Variants in HS6ST3 observed in about 807,000 individuals in gnomAD.
The protein encoded by HS6ST3 is heparan-sulfate 6-O-sulfotransferase 3.
HS6ST3 carries 12 observed loss-of-function variants against 36.7 expected under a neutral mutation model. The observed-to-expected ratio is 0.33, with a 90% CI of 0.21 to 0.53. HS6ST3 has a LOEUF of 0.53. Ranked by LOEUF, HS6ST3 falls within the 20% of genes least tolerant of loss-of-function variation. HS6ST3 has a pLI of 0.95. For missense variants in HS6ST3, 584 were observed against 640.9 expected (o/e 0.91, Z 0.96); for synonymous variants, 240 against 257.5 (o/e 0.93, Z 0.65).
At chr13:96,615,496 G>A (rs1486636185) in intron 1 of HS6ST3, among the ~76,000 whole-genome samples, 1 of 152,102 alleles carries the variant, frequency 6.6e-6, no homozygotes, top group African/African-American at 2.4e-5. Context: ...ATCAATCTTG[G>A]CCCATTCATC....
chr13:96,805,296 G>A (rs933714022), intron 1 of HS6ST3, among the ~76,000 whole-genome samples: 1 of 152,080 alleles, frequency 6.6e-6, no homozygotes, highest in Non-Finnish European at 1.5e-5. Flanking sequence ...AGATCTGGTT[G>A]TTTGAAAGTA....
intron 1 of HS6ST3, among the ~76,000 whole-genome samples, chr13:96,371,889 C>G (rs549268746): frequency 6.6e-6 from 1 of 152,050 alleles, no homozygotes; most frequent in African/African-American, 2.4e-5. Context: ...TTCACCTGTT[C>G]GTGGACGCTT....
chr13:96,724,611 G>A (rs1007093958), intron 1 of HS6ST3, among the ~76,000 whole-genome samples: 1 of 152,118 alleles, frequency 6.6e-6, no homozygotes, highest in Non-Finnish European at 1.5e-5. Flanking sequence ...TTATAGAAAT[G>A]AAATTATAAA....
chr13:96,386,812 G>A (rs2055370929), intron 1 of HS6ST3, among the ~76,000 whole-genome samples: 1 of 152,192 alleles, frequency 6.6e-6, no homozygotes, highest in South Asian at 2.1e-4. Flanking sequence ...GTTGCAGTGA[G>A]CTGAGATTGC....
intron 1 of HS6ST3, among the ~76,000 whole-genome samples, chr13:96,769,056 C>A (rs887168597): frequency 2.6e-5 from 4 of 152,080 alleles, no homozygotes; most frequent in Non-Finnish European, 5.9e-5. Context: ...GAATGGCCCA[C>A]ATTGAAATCC....
At chr13:96,711,799 A>G (rs1369750278) in intron 1 of HS6ST3, among the ~76,000 whole-genome samples, 1 of 151,664 alleles carries the variant, frequency 6.6e-6, no homozygotes, top group Non-Finnish European at 1.5e-5. Flanking sequence ...TTTGTGTCAC[A>G]CTCTCCCTGT....
rs183819787 is a variant in HS6ST3, at chr13:96,185,749, C to T, written c.707+94180C>T. On this transcript the variant is annotated intron_variant, in intron 1 of 1. Coordinates refer to ENST00000376705, the MANE Select transcript of HS6ST3 (RefSeq NM_153456.4). ...TTCAATTCCAAAATTTTATATTTTACTTGAATTTAGAGAGAGAGAAAATAA... is the reference window on the plus strand; with the variant it reads ...TTCAATTCCAAAATTTTATATTTTATTTGAATTTAGAGAGAGAGAAAATAA... Among the ~76,000 whole-genome samples, 396 of 152,174 alleles carry T rather than the reference C, an allele frequency of 2.6e-3. 3 individuals carry two copies. Among genetic ancestry groups the T allele is most frequent in the African/African-American group, 8.5e-3 (352 of 41,498 alleles).
At chr13:96,212,638 G>A (rs974709757) in intron 1 of HS6ST3, among the ~76,000 whole-genome samples, 1 of 152,218 alleles carries the variant, frequency 6.6e-6, no homozygotes, top group South Asian at 2.1e-4. Context: ...CTAGGAGTTT[G>A]AGGTTTGAAG....
intron 1 of HS6ST3, among the ~76,000 whole-genome samples, chr13:96,641,811 A>G (rs1427272649): frequency 2.0e-5 from 3 of 151,754 alleles, no homozygotes; most frequent in Non-Finnish European, 4.4e-5. Context: ...CTTCCTTTGT[A>G]CTGTTATTGT....
At chr13:96,308,416 C>G (rs1474440900) in intron 1 of HS6ST3, among the ~76,000 whole-genome samples, 1 of 151,938 alleles carries the variant, frequency 6.6e-6, no homozygotes, top group Non-Finnish European at 1.5e-5. Flanking sequence ...TATAGGCAAC[C>G]CAATATCCAA....
Position 96,410,849 on chromosome 13 carries a change from G to A in HS6ST3, c.707+319280G>A, listed in dbSNP as rs140293198. Among the ~76,000 whole-genome samples, 79 of 152,298 alleles carry A rather than the reference G, an allele frequency of 5.2e-4. 1 individual carries two copies. The East Asian group carries it at 5.4e-3, about 10-fold the overall frequency. ...AGTCATGGTGTCTAACTCTAGTTAC[G>A]TTATGGAGGGTATATTTTCCAAATT... On this transcript the variant is annotated intron_variant, in intron 1 of 1. Coordinates refer to ENST00000376705, the MANE Select transcript of HS6ST3 (RefSeq NM_153456.4).
At chr13:96,698,301 T>G (rs528230949) in intron 1 of HS6ST3, among the ~76,000 whole-genome samples, 1 of 152,178 alleles carries the variant, frequency 6.6e-6, no homozygotes, top group East Asian at 1.9e-4. Flanking sequence ...TGGTGTTTGT[T>G]TTTTTGTCCT....
chr13:96,526,103 C>T (rs760837953), intron 1 of HS6ST3, among the ~76,000 whole-genome samples: 9 of 152,014 alleles, frequency 5.9e-5, no homozygotes, highest in Non-Finnish European at 1.0e-4. Flanking sequence ...AGATGGAGTG[C>T]CTTAGTTAAA....
chr13:96,463,337 T>C (rs1259223733), intron 1 of HS6ST3, among the ~76,000 whole-genome samples: 4 of 152,246 alleles, frequency 2.6e-5, no homozygotes, highest in African/African-American at 9.6e-5. Context: ...AAACTTAATT[T>C]ATACAAACAG....
intron 1 of HS6ST3, among the ~76,000 whole-genome samples, chr13:96,209,571 T>C (rs1305779709): frequency 6.6e-6 from 1 of 152,196 alleles, no homozygotes; most frequent in East Asian, 1.9e-4. Context: ...GGAGAATTTC[T>C]AGTCAAAAAA....
chr13:96,297,333 CCTTT>C (rs2054860187), intron 1 of HS6ST3, among the ~76,000 whole-genome samples: 1 of 152,088 alleles, frequency 6.6e-6, no homozygotes. Context: ...TTTCTTTCCT[CCTTT>C]CTATTTCTAC....
At chr13:96,582,640 T>C (rs1273499451) in intron 1 of HS6ST3, among the ~76,000 whole-genome samples, 2 of 152,304 alleles carry the variant, frequency 1.3e-5, no homozygotes, top group East Asian at 3.9e-4. Context: ...AATTTCAGAA[T>C]TGATTAGGTA....
chr13:96,403,602 A>T (rs1480157659), intron 1 of HS6ST3, among the ~76,000 whole-genome samples: 9 of 152,298 alleles, frequency 5.9e-5, no homozygotes, highest in African/African-American at 2.2e-4. Context: ...AGAAAAAAAA[A>T]TCCCCGTGAG....
chr13:96,360,947 A>ACCCC (rs1566337532), intron 1 of HS6ST3, among the ~76,000 whole-genome samples: 12 of 139,850 alleles, frequency 8.6e-5, no homozygotes, highest in Non-Finnish European at 1.4e-4. Flanking sequence ...CCCTGTCCCA[A>ACCCC]AAAAAAAAAA....
Sources: allele counts gnomAD v4.1 joint callset (sites outside exome capture counted in the v4.1 genomes callset), GRCh38; gene constraint gnomAD v4.1.1; transcripts MANE v1.5; gene names NCBI Gene and HGNC (gene_info 2026-07-23, HGNC 2026-07-21).